The following DTX1 variants were observed in gnomAD, a reference collection of about 807,000 sequenced individuals.
The protein encoded by DTX1 is deltex E3 ubiquitin ligase 1, also known as E3 ubiquitin-protein ligase DTX1.
DTX1 carries 26 observed loss-of-function variants against 57.8 expected under a neutral mutation model. The observed-to-expected ratio is 0.45, with a 90% CI of 0.33 to 0.62. The LOEUF is 0.62. Ranked by LOEUF, DTX1 falls within the 20% of genes least tolerant of loss-of-function variation. The pLI, the probability that DTX1 is intolerant of heterozygous loss-of-function variation, is 0.02. For missense variants in DTX1, 704 were observed against 895.3 expected, an observed-to-expected ratio of 0.79 and a Z score of 2.73; for synonymous variants, 398 against 394.1, an observed-to-expected ratio of 1.01 and a Z score of -0.12.
intron 2 of DTX1, among the ~76,000 whole-genome samples, chr12:113,075,670 C>T (rs1429804749): frequency 6.6e-6 from 1 of 152,120 alleles, no homozygotes; most frequent in Non-Finnish European, 1.5e-5. Flanking sequence ...AGCCTCAGTG[C>T]CCTCCTTTAT....
chr12:113,094,811 G>A lies in DTX1; in HGVS notation c.1250G>A (p.Arg417Gln), dbSNP rs538764480. 2 of 1,613,764 alleles carry A rather than the reference G, an allele frequency of 1.2e-6. No individual in the cohort carries two copies. Among genetic ancestry groups the A allele is most frequent in the African/African-American group, 1.3e-5 (1 of 75,060 alleles). Residue 417 changes from arginine (R) to glutamine (Q), a missense_variant, in exon 7 of 10, where the codon CGA (arginine) becomes CAA (glutamine). Arg to Gln is a conservative substitution (Grantham distance 43). Coordinates refer to ENST00000548759, the MANE Select transcript of DTX1 (RefSeq NM_004416.3). Reference sequence around the variant, plus strand: ...CAGGACTGCACCATCTGCATGGAGCGACTGGTCACAGCATCAGGCTACGAG... The same window carrying A: ...CAGGACTGCACCATCTGCATGGAGCAACTGGTCACAGCATCAGGCTACGAG... The part of the protein sequence containing the change: ...PDEDCTICME[R>Q]LVTASGYEGV...
intron 3 of DTX1, among the ~76,000 whole-genome samples, chr12:113,080,589 A>AGAATGGAATG (rs111327121): frequency 0.23 from 34,557 of 151,108 alleles, 4,599 homozygotes; most frequent in Middle Eastern, 0.31. Flanking sequence ...TTCTTGGAAC[A>AGAATGGAATG]GAATGGAATG....
At chr12:113,069,721 C>T (rs1249748815) in intron 2 of DTX1, among the ~76,000 whole-genome samples, 1 of 152,088 alleles carries the variant, frequency 6.6e-6, no homozygotes, top group African/African-American at 2.4e-5. Context: ...CCCCATCTGT[C>T]CGATGGGGCT....
chr12:113,075,541 G>A (rs2044765527), intron 2 of DTX1, among the ~76,000 whole-genome samples: 1 of 152,240 alleles, frequency 6.6e-6, no homozygotes, highest in African/African-American at 2.4e-5. Context: ...TAAAGGCTCT[G>A]AGAAGTCCTG....
rs2044641357 is a variant in DTX1 at position 113,058,108 on chromosome 12, G to C, written c.-85G>C. On this transcript the variant is annotated 5_prime_UTR_variant, in exon 2 of 10. Coordinates refer to ENST00000548759, the MANE Select transcript of DTX1 (RefSeq NM_004416.3). ...ACGGTCCTTGCTGTCCCCCTGGGGA[G>C]AGAGGAAGTTGCCGCCTGCTGCCAG... 3 of 1,467,788 alleles carry C rather than the reference G, an allele frequency of 2.0e-6. No homozygotes were observed. The highest frequency in any genetic ancestry group is 2.7e-6 in the Non-Finnish European group (3 of 1,110,928). The allele number at this position is 1,467,788 out of a possible 1,614,324, so 90.9% of individuals were successfully genotyped here. A position where few individuals can be genotyped will look rare whatever the true frequency, so the allele number is the denominator to read the frequency against.
chr12:113,094,855 G>T lies in DTX1; in HGVS notation c.1294G>T (p.Gly432Cys). Residue 432 changes from glycine to cysteine, a missense_variant, in exon 7 of 10, where the codon GGC (glycine) becomes TGC (cysteine). Transcript: ENST00000548759. ...CTACGAGGGCGTGCTTCGGCACAAG[G>T]GCGTGCGGCCTGAGCTCGTGGGCCG... ...SGYEGVLRHK[G>C]VRPELVGRLG... The T allele has an allele frequency of 6.2e-7, 1 of 1,613,818 alleles. No homozygotes were observed. The highest frequency in any genetic ancestry group is 8.5e-7 in the Non-Finnish European group (1 of 1,180,012).
At chr12:113,085,016 C>T (rs1336185271) in intron 3 of DTX1, among the ~76,000 whole-genome samples, 3 of 151,678 alleles carry the variant, frequency 2.0e-5, no homozygotes, top group Admixed American at 2.0e-4. Flanking sequence ...ATCATGAAGC[C>T]AGATGTCAAA....
At chr12:113,071,275 G>A (rs1000290457) in intron 2 of DTX1, among the ~76,000 whole-genome samples, 2 of 152,232 alleles carry the variant, frequency 1.3e-5, no homozygotes, top group Admixed American at 6.5e-5. Context: ...GGTCTCAGGG[G>A]CCCAGCTTGT....
Position 113,077,610 on chromosome 12 carries a change from A to C in DTX1, c.446A>C (p.Tyr149Ser), listed in dbSNP as rs1466891525. ...WLDLSSLGFC[Y>S]LIYFNSMSQM... ...GACCTCTCATCGCTAGGCTTCTGCT[A>C]CCTCATCTACTTCAACAGCATGTCG... The change falls in exon 3 of 10, where the codon TAC (tyrosine) becomes TCC (serine). Residue 149 changes from tyrosine (Y) to serine (S), a missense_variant. Physicochemically the swap from Tyr to Ser is moderately radical, Grantham distance 144. Transcript: ENST00000548759. The surrounding 1 kb of genome is among the most constrained non-coding windows in gnomAD (Gnocchi z 7.8). 6.2e-7 allele frequency: 1 copy of C among 1,612,858 alleles called. No individual in the cohort carries two copies. The highest frequency in any genetic ancestry group is 8.5e-7 in the Non-Finnish European group (1 of 1,179,770).
chr12:113,079,513 CTCTTTTTTT>C (rs1254226613), intron 3 of DTX1, among the ~76,000 whole-genome samples: 1 of 103,362 alleles, frequency 9.7e-6, no homozygotes, highest in African/African-American at 5.1e-5. Context: ...TTGGCCACTT[CTCTTTTTTT>C]TTTTTTTTTT....
intron 2 of DTX1, 118 bp downstream of exon 2, chr12:113,058,569 C>G (rs1431940467): frequency 6.8e-6 from 10 of 1,478,316 alleles, no homozygotes; most frequent in Non-Finnish European, 9.0e-6. Context: ...ATCTCCCTGC[C>G]TCACCTCCAG....
At chr12:113,083,054 G>C (rs2044829745) in intron 3 of DTX1, among the ~76,000 whole-genome samples, 1 of 152,120 alleles carries the variant, frequency 6.6e-6, no homozygotes, top group Non-Finnish European at 1.5e-5. Context: ...CCTCTCTCCT[G>C]GGCTTGTAGA....
intron 2 of DTX1, among the ~76,000 whole-genome samples, chr12:113,067,482 G>C (rs1322873522): frequency 6.6e-6 from 1 of 152,236 alleles, no homozygotes; most frequent in Admixed American, 6.5e-5. Flanking sequence ...CTACACAAAG[G>C]CTGCAAATTC....
At position 113,056,760 on chromosome 12, in the gene DTX1, C is replaced by G. The variant is rs2044625791; in HGVS notation, c.-929C>G. On this transcript the variant is annotated 5_prime_UTR_variant, in exon 1 of 10. Transcript: ENST00000548759. The stretch of plus-strand genomic sequence containing the variant: ...CGAGATCCCGGCGGCCGCCAGCCGG[C>G]TCCTGCGTCCGTCCGTCGGCCGGGC... The G allele has an allele frequency of 6.6e-6, 1 of 152,278 alleles. No homozygotes were observed. Among genetic ancestry groups the G allele is most frequent in the South Asian group, 2.1e-4 (1 of 4,832 alleles). 9.4% of individuals were successfully genotyped at this position (152,278 alleles called of 1,614,324 possible).
chr12:113,061,994 C>T (rs2044667462), intron 2 of DTX1, among the ~76,000 whole-genome samples: 1 of 151,862 alleles, frequency 6.6e-6, no homozygotes, highest in South Asian at 2.1e-4. Flanking sequence ...GCGTGAGCCA[C>T]TGTGCCTGGC....
At chr12:113,065,133 G>A (rs564357837) in intron 2 of DTX1, among the ~76,000 whole-genome samples, 1 of 152,172 alleles carries the variant, frequency 6.6e-6, no homozygotes, top group Non-Finnish European at 1.5e-5. Flanking sequence ...GCCAGGCCCC[G>A]GGGGACTCAC....
At chr12:113,061,501 G>A (rs1293498477) in intron 2 of DTX1, among the ~76,000 whole-genome samples, 2 of 152,234 alleles carry the variant, frequency 1.3e-5, no homozygotes, top group African/African-American at 4.8e-5. Flanking sequence ...TGCCAACGGT[G>A]TGACCTCAGG....
chr12:113,084,001 A>G (rs2044836969), intron 3 of DTX1, among the ~76,000 whole-genome samples: 2 of 152,246 alleles, frequency 1.3e-5, no homozygotes, highest in Admixed American at 1.3e-4. Flanking sequence ...AACTCTGCAG[A>G]GATCTTCAAT....
intron 3 of DTX1, among the ~76,000 whole-genome samples, chr12:113,082,088 C>G (rs559409610): frequency 1.1e-4 from 16 of 152,242 alleles, no homozygotes; most frequent in African/African-American, 2.4e-5. Context: ...GCCGCTCCCC[C>G]ACAGCCGACA....
Sources: gnomAD v4.1 joint callset for allele counts (sites outside exome capture counted in the v4.1 genomes callset) on GRCh38, gnomAD v4.1.1 for gene constraint, Gnocchi (gnomAD v3.1) non-coding constraint, MANE v1.5 for transcripts, NCBI Gene and HGNC (gene_info 2026-07-23, HGNC 2026-07-21) for gene names.